GABRB1: variants seen among roughly 807,000 people sequenced by gnomAD.
GABRB1 encodes the protein gamma-aminobutyric acid type A receptor subunit beta1, also known as gamma-aminobutyric acid receptor subunit beta-1.
A neutral mutation model predicts 51.6 loss-of-function variants in GABRB1; 17 were observed. That is an observed-to-expected ratio of 0.33 (90% CI 0.23 to 0.49). The LOEUF (loss-of-function observed/expected upper bound fraction) is 0.49, where lower values mean the gene tolerates loss of function less well. Ranked by LOEUF, GABRB1 falls within the 20% of genes least tolerant of loss-of-function variation. The probability of loss-of-function intolerance (pLI) is 0.99; values close to 1 mark genes in which losing one functional copy is unlikely to be tolerated. For synonymous variants in GABRB1, 247 were observed against 218.9 expected (o/e 1.13, Z -1.14); for missense variants, 410 against 600.6 (o/e 0.68, Z 3.32).
At chr4:47,187,264 C>T (rs998588199) in intron 4 of GABRB1, among the ~76,000 whole-genome samples, 4 of 151,854 alleles carry the variant, frequency 2.6e-5, no homozygotes, top group African/African-American at 9.7e-5. Flanking sequence ...TGCTTCAAGT[C>T]ACTCAATATT....
chr4:47,109,758 A>G (rs1577915941), intron 3 of GABRB1, among the ~76,000 whole-genome samples: 1 of 152,160 alleles, frequency 6.6e-6, no homozygotes, highest in African/African-American at 2.4e-5. Flanking sequence ...TTATCTGCAT[A>G]TAGAAAATGA....
At chr4:47,402,286 C>T (rs554242789) in intron 5 of GABRB1, among the ~76,000 whole-genome samples, 1 of 152,254 alleles carries the variant, frequency 6.6e-6, no homozygotes, top group African/African-American at 2.4e-5. Context: ...AGTAGATCAG[C>T]ATGGTGTCCA....
At chr4:47,118,702 A>G (rs1715613612) in intron 3 of GABRB1, among the ~76,000 whole-genome samples, 1 of 152,216 alleles carries the variant, frequency 6.6e-6, no homozygotes, top group Non-Finnish European at 1.5e-5. Context: ...GAGTACACAC[A>G]CAAACATCCT....
chr4:47,358,790 C>T (rs180916607), intron 5 of GABRB1, among the ~76,000 whole-genome samples: 51 of 152,102 alleles, frequency 3.4e-4, no homozygotes, highest in Admixed American at 2.6e-3. Context: ...TCAATGAACC[C>T]GAATGTAACT....
chr4:47,233,087 G>A (rs1721202312), intron 4 of GABRB1, among the ~76,000 whole-genome samples: 1 of 152,014 alleles, frequency 6.6e-6, no homozygotes, highest in South Asian at 2.1e-4. Context: ...TGTTGCCCAG[G>A]CTGGTCTTAA....
chr4:47,178,922 G>A (rs966351411), intron 4 of GABRB1, among the ~76,000 whole-genome samples: 2 of 152,056 alleles, frequency 1.3e-5, no homozygotes, highest in Non-Finnish European at 1.5e-5. Flanking sequence ...TTATTGGCAA[G>A]AAATGTAACA....
intron 4 of GABRB1, among the ~76,000 whole-genome samples, chr4:47,315,542 A>T (rs143688312): frequency 8.6e-4 from 131 of 152,142 alleles, no homozygotes; most frequent in African/African-American, 2.9e-3. Context: ...ATATGCCAAA[A>T]GGAATATGAG....
intron 4 of GABRB1, among the ~76,000 whole-genome samples, chr4:47,266,622 T>C (rs1174040525): frequency 6.6e-6 from 1 of 152,210 alleles, no homozygotes; most frequent in African/African-American, 2.4e-5. Context: ...CTACTTTATT[T>C]CACTGTGGTC....
intron 4 of GABRB1, among the ~76,000 whole-genome samples, chr4:47,228,542 T>C (rs1407735105): frequency 6.6e-6 from 1 of 152,256 alleles, no homozygotes; most frequent in Non-Finnish European, 1.5e-5. Flanking sequence ...TAATAGATAC[T>C]TAACATATGG....
intron 5 of GABRB1, among the ~76,000 whole-genome samples, chr4:47,365,410 C>A (rs1192170542): frequency 6.6e-6 from 1 of 152,098 alleles, no homozygotes; most frequent in East Asian, 1.9e-4. Context: ...TTTAATTCAC[C>A]CTTTTTCAGG....
chr4:47,090,335 G>A (rs1411648808), intron 3 of GABRB1, among the ~76,000 whole-genome samples: 2 of 152,082 alleles, frequency 1.3e-5, no homozygotes, highest in African/African-American at 4.8e-5. Context: ...CTCAAAAATT[G>A]TTATACGAAG....
chr4:47,282,914 C>A (rs1027258316), intron 4 of GABRB1, among the ~76,000 whole-genome samples: 1 of 152,032 alleles, frequency 6.6e-6, no homozygotes, highest in Non-Finnish European at 1.5e-5. Context: ...CAGTGGAGAC[C>A]TCTGATTATA....
chr4:47,009,837 C>T lies in GABRB1; in HGVS notation c.-20+15911C>T, dbSNP rs145291929. On this transcript the variant is annotated intron_variant, in intron 1 of 3. Coordinates refer to the GABRB1 transcript ENST00000513567. ...TCAACAGGTGGTCTTCAGCCTGGAACGGAAATAAATAAAACCAAGAATGTG... is the reference window on the plus strand; with the variant it reads ...TCAACAGGTGGTCTTCAGCCTGGAATGGAAATAAATAAAACCAAGAATGTG... Among the ~76,000 whole-genome samples, 556 of 152,170 alleles carry T rather than the reference C, an allele frequency of 3.7e-3. 2 individuals are homozygous for T. The highest frequency in any genetic ancestry group is 0.015 in the South Asian group (70 of 4,824).
intron 5 of GABRB1, among the ~76,000 whole-genome samples, chr4:47,374,856 T>C (rs1490614199): frequency 6.6e-6 from 1 of 152,158 alleles, no homozygotes; most frequent in Middle Eastern, 3.2e-3. Context: ...GCCAAAGGGA[T>C]GGATAGACAG....
At chr4:47,299,011 G>T (rs1467983332) in intron 4 of GABRB1, among the ~76,000 whole-genome samples, 7 of 151,570 alleles carry the variant, frequency 4.6e-5, no homozygotes, top group Non-Finnish European at 4.4e-5. Context: ...TTTAATAAAT[G>T]GTGCTGGGAA....
chr4:47,165,743 C>A (rs1054371086), intron 4 of GABRB1, among the ~76,000 whole-genome samples: 1 of 152,074 alleles, frequency 6.6e-6, no homozygotes, highest in African/African-American at 2.4e-5. Flanking sequence ...TCCAAAATTT[C>A]CAATTGCTCA....
intron 5 of GABRB1, among the ~76,000 whole-genome samples, chr4:47,393,625 TA>T (rs1277792540): frequency 6.6e-6 from 1 of 152,328 alleles, no homozygotes; most frequent in African/African-American, 2.4e-5. Context: ...GCTTATTGAG[TA>T]AATTTCATGA....
chr4:47,310,081 G>C (rs981703260), intron 4 of GABRB1, among the ~76,000 whole-genome samples: 1 of 152,056 alleles, frequency 6.6e-6, no homozygotes, highest in African/African-American at 2.4e-5. Context: ...TTTTGTCCAA[G>C]TTGCCACCAC....
intron 4 of GABRB1, among the ~76,000 whole-genome samples, chr4:47,181,778 T>C (rs982738776): frequency 6.6e-6 from 1 of 152,076 alleles, no homozygotes; most frequent in Non-Finnish European, 1.5e-5. Context: ...ATTTGTTTTA[T>C]CTGTGTGTTT....
Sources: gnomAD v4.1 joint callset for allele counts (sites outside exome capture counted in the v4.1 genomes callset) on GRCh38, gnomAD v4.1.1 for gene constraint, MANE v1.5 for transcripts, NCBI Gene and HGNC (gene_info 2026-07-23, HGNC 2026-07-21) for gene names.